The following UNC5D variants were observed in gnomAD, a reference collection of about 807,000 sequenced individuals.
The protein encoded by UNC5D is unc-5 netrin receptor D.
In UNC5D, 39 loss-of-function variants were observed where a neutral mutation model predicts 105.4. The observed-to-expected ratio is 0.37, with a 90% CI of 0.29 to 0.48. The LOEUF (loss-of-function observed/expected upper bound fraction) is 0.48, where lower values mean the gene tolerates loss of function less well. UNC5D is among the 20% of genes least tolerant of loss of function. UNC5D has a pLI of 0.98. For missense variants in UNC5D, 991 were observed against 1,202.4 expected, an observed-to-expected ratio of 0.82 and a Z score of 2.60; for synonymous variants, 452 against 450.4, an observed-to-expected ratio of 1.00 and a Z score of -0.04.
At chr8:35,716,221 A>G (rs1238964910) in intron 8 of UNC5D, among the ~76,000 whole-genome samples, 1 of 152,228 alleles carries the variant, frequency 6.6e-6, no homozygotes, top group Non-Finnish European at 1.5e-5. Context: ...TTACTAACTT[A>G]CTTGACAATG....
intron 4 of UNC5D, among the ~76,000 whole-genome samples, chr8:35,649,409 T>C (rs28544500): frequency 0.18 from 27,761 of 152,132 alleles, 5,779 homozygotes; most frequent in African/African-American, 0.51. Context: ...AGCCTGGCTG[T>C]AGCCAGCACT....
intron 1 of UNC5D, among the ~76,000 whole-genome samples, chr8:35,356,726 CATG>C (rs1801580528): frequency 6.6e-6 from 1 of 151,880 alleles, no homozygotes; most frequent in Non-Finnish European, 1.5e-5. Flanking sequence ...AAATTGCCTG[CATG>C]ACTATTTTTG....
Position 35,677,888 on chromosome 8 carries a change from GTC to G in UNC5D, c.571-5657_571-5656del, listed in dbSNP as rs200036040. On this transcript the variant is annotated intron_variant, in intron 4 of 16. Coordinates refer to ENST00000404895, the MANE Select transcript of UNC5D (RefSeq NM_080872.4). The stretch of plus-strand genomic sequence containing the variant: ...GTAGGTTTTTATAGGGTGTGTGAGT[GTC>G]TGTGTGTGTGTGTGTGTATGTGTGT... 6.2e-5 allele frequency among the ~76,000 whole-genome samples: 7 copies of G among 113,384 alleles called. No individual in the cohort carries two copies. The East Asian group carries it at 2.0e-3, about 33-fold the overall frequency. The allele number at this position is 113,384 out of a possible 152,430, so 74.4% of individuals were successfully genotyped here. A position where few individuals can be genotyped will look rare whatever the true frequency, so the allele number is the denominator to read the frequency against.
intron 1 of UNC5D, among the ~76,000 whole-genome samples, chr8:35,324,443 C>CTGT (rs34863918): frequency 6.6e-6 from 1 of 151,740 alleles, no homozygotes; most frequent in East Asian, 1.9e-4. Context: ...TGTTTTTGTG[C>CTGT]TTTTTGAGTA....
chr8:35,742,176 T>C (rs1469091679), intron 11 of UNC5D, among the ~76,000 whole-genome samples: 1 of 151,814 alleles, frequency 6.6e-6, no homozygotes, highest in African/African-American at 2.4e-5. Flanking sequence ...GTCTAGGAGA[T>C]TCGATGATGT....
intron 1 of UNC5D, among the ~76,000 whole-genome samples, chr8:35,298,805 G>T (rs1271581688): frequency 6.6e-6 from 1 of 152,118 alleles, no homozygotes; most frequent in Non-Finnish European, 1.5e-5. Flanking sequence ...TTAAGTATTG[G>T]CATTTGCCCT....
intron 8 of UNC5D, among the ~76,000 whole-genome samples, chr8:35,716,465 A>T (rs183810267): frequency 5.9e-5 from 9 of 152,310 alleles, no homozygotes; most frequent in African/African-American, 2.2e-4. Context: ...CTGGAGCCAG[A>T]CTGCATGGGA....
At chr8:35,711,635 CTT>C (rs1046235650) in intron 8 of UNC5D, among the ~76,000 whole-genome samples, 2 of 152,184 alleles carry the variant, frequency 1.3e-5, no homozygotes, top group African/African-American at 4.8e-5. Context: ...GACTAAGTCT[CTT>C]TCCCTCATCC....
intron 1 of UNC5D, among the ~76,000 whole-genome samples, chr8:35,341,541 T>C (rs1811457970): frequency 6.6e-6 from 1 of 152,062 alleles, no homozygotes; most frequent in Non-Finnish European, 1.5e-5. Flanking sequence ...GATAGAATCT[T>C]CTCCCTGTTC....
chr8:35,544,865 A>G (rs1474298239), intron 1 of UNC5D, among the ~76,000 whole-genome samples: 2 of 152,010 alleles, frequency 1.3e-5, no homozygotes, highest in Non-Finnish European at 2.9e-5. Context: ...TGCCTCCCAG[A>G]GTGCTGGGAT....
At chr8:35,312,684 T>C (rs1018703977) in intron 1 of UNC5D, among the ~76,000 whole-genome samples, 1 of 152,162 alleles carries the variant, frequency 6.6e-6, no homozygotes, top group African/African-American at 2.4e-5. Context: ...GGAACCCCAG[T>C]GACACCAGCT....
At chr8:35,604,598 T>C (rs1820144706) in intron 4 of UNC5D, among the ~76,000 whole-genome samples, 1 of 152,222 alleles carries the variant, frequency 6.6e-6, no homozygotes, top group Non-Finnish European at 1.5e-5. Context: ...CCTGCCTTGC[T>C]AGATTGGGGA....
At chr8:35,756,953 G>A (rs1830548474) in intron 13 of UNC5D, among the ~76,000 whole-genome samples, 1 of 152,120 alleles carries the variant, frequency 6.6e-6, no homozygotes, top group Non-Finnish European at 1.5e-5. Context: ...AAGAGTTGCT[G>A]TTATACTATG....
At chr8:35,362,563 T>TA (rs1585670063) in intron 1 of UNC5D, among the ~76,000 whole-genome samples, 2 of 152,178 alleles carry the variant, frequency 1.3e-5, no homozygotes, top group Non-Finnish European at 2.9e-5. Context: ...AATTAGGCTC[T>TA]AAGGTATAGA....
At chr8:35,754,362 G>A (rs895560445) in intron 13 of UNC5D, among the ~76,000 whole-genome samples, 4 of 152,182 alleles carry the variant, frequency 2.6e-5, no homozygotes, top group Non-Finnish European at 5.9e-5. Flanking sequence ...TGTGAACATG[G>A]TTGTTACAGC....
chr8:35,290,089 T>A (rs939862628), intron 1 of UNC5D, among the ~76,000 whole-genome samples: 10 of 152,118 alleles, frequency 6.6e-5, no homozygotes, highest in African/African-American at 7.2e-5. Context: ...TTGGCGGGAA[T>A]GTATATATTA....
chr8:35,484,531 G>A (rs1316675549), intron 1 of UNC5D, among the ~76,000 whole-genome samples: 1 of 152,050 alleles, frequency 6.6e-6, no homozygotes, highest in African/African-American at 2.4e-5. Flanking sequence ...TTCTTAGAAG[G>A]TAAATAGTGT....
intron 3 of UNC5D, among the ~76,000 whole-genome samples, chr8:35,582,562 A>G (rs1014812668): frequency 1.2e-4 from 19 of 152,172 alleles, no homozygotes; most frequent in African/African-American, 4.6e-4. Flanking sequence ...TTAGTGGCAT[A>G]TCCAGTGTTT....
chr8:35,736,441 C>A (rs1829473555), intron 11 of UNC5D, among the ~76,000 whole-genome samples: 1 of 152,196 alleles, frequency 6.6e-6, no homozygotes, highest in South Asian at 2.1e-4. Context: ...TGTTACTGAA[C>A]AGTTATATAA....
Sources: gnomAD v4.1 joint callset for allele counts (sites outside exome capture counted in the v4.1 genomes callset) on GRCh38, gnomAD v4.1.1 for gene constraint, MANE v1.5 for transcripts, NCBI Gene and HGNC (gene_info 2026-07-23, HGNC 2026-07-21) for gene names.